The following RNF207 variants were observed in gnomAD, a reference collection of about 807,000 sequenced individuals.
RNF207 encodes the protein ring finger protein 207.
RNF207 carries 72 observed loss-of-function variants against 79.0 expected under a neutral mutation model. The observed-to-expected ratio is 0.91, with a 90% CI of 0.75 to 1.11. RNF207 has a LOEUF of 1.11. Ranked by LOEUF, RNF207 falls within the 50% of genes least tolerant of loss-of-function variation. The probability of loss-of-function intolerance (pLI) is 0.00; values close to 1 mark genes in which losing one functional copy is unlikely to be tolerated. For missense variants in RNF207, 936 were observed against 855.8 expected (o/e 1.09, Z -1.17); for synonymous variants, 348 against 366.2 (o/e 0.95, Z 0.57).
Position 6,211,217 on chromosome 1 carries a change from G to A in RNF207, c.1109+99G>A. The A allele has an allele frequency of 1.3e-6, 1 of 790,958 alleles. No homozygotes were observed. The highest frequency in any genetic ancestry group is 2.0e-6 in the Non-Finnish European group (1 of 496,018). The allele number at this position is 790,958 out of a possible 1,614,324, so 49.0% of individuals were successfully genotyped here. A position where few individuals can be genotyped will look rare whatever the true frequency, so the allele number is the denominator to read the frequency against. On this transcript the variant is annotated intron_variant, in intron 12 of 17. Coordinates refer to ENST00000377939, the MANE Select transcript of RNF207 (RefSeq NM_207396.3). This position sits in a 1 kb window ranked among gnomAD's most constrained non-coding sequence, Gnocchi z 4.2. The stretch of plus-strand genomic sequence containing the variant: ...CCAGATCGCCAGCAAGAAGCCAGGT[G>A]CCACCATTCCTTCCTCCGTCCTTAG...
intron 3 of RNF207, chr1:6,208,066 G>A (rs1357627422): frequency 1.2e-5 from 3 of 256,600 alleles, no homozygotes; most frequent in South Asian, 4.7e-5. Flanking sequence ...ATTAGCAGGA[G>A]GTAGGGACTG....
Position 6,217,208 on chromosome 1 carries a change from C to G in RNF207, c.1653-1081C>G, listed in dbSNP as rs1269217084. ...CCTTCTCTTTGCTGACAGCCCCGCG[C>G]TCCCATGCTCCTGCCAGCCTCTCCA... On this transcript the variant is annotated intron_variant, in intron 16 of 17. Transcript: ENST00000377939. This position sits in a 1 kb window ranked among gnomAD's most constrained non-coding sequence, Gnocchi z 4.2. 6.6e-6 allele frequency among the ~76,000 whole-genome samples: 1 copy of G among 152,172 alleles called. No individual in the cohort carries two copies. Among genetic ancestry groups the G allele is most frequent in the Non-Finnish European group, 1.5e-5 (1 of 68,020 alleles).
Position 6,212,288 on chromosome 1 carries a change from C to A in RNF207, c.1354C>A (p.Leu452Ile). The A allele has an allele frequency of 6.2e-7, 1 of 1,612,868 alleles. No homozygotes were observed. Among genetic ancestry groups the A allele is most frequent in the Middle Eastern group, 1.7e-4 (1 of 6,060 alleles). The change falls in exon 14 of 18, where the codon CTC (leucine) becomes ATC (isoleucine). Residue 452 changes from leucine to isoleucine, a missense_variant. Leu to Ile is a conservative substitution (Grantham distance 5). Coordinates refer to ENST00000377939, the MANE Select transcript of RNF207 (RefSeq NM_207396.3). ...KDQVQELHRD[L>I]TKHHSLIKAE... ...CCAGGTACAGGAGCTGCACCGAGACCTCACCAAGCACCACTCGCTCATCAA... is the reference window on the plus strand; with the variant it reads ...CCAGGTACAGGAGCTGCACCGAGACATCACCAAGCACCACTCGCTCATCAA...
In RNF207 at chr1:6,210,912, C is replaced by T. The variant is rs755994672; in HGVS notation, c.985C>T (p.His329Tyr). ...RLQGIVTRPH[H>Y]LRPIQSSKIA... ...GCAGGGCATCGTCACGCGGCCGCAC[C>T]ACCTAAGGCCTATTCAGAGCAGCAA... The change falls in exon 11 of 18, where the codon CAC becomes TAC. Residue 329 changes from histidine (H) to tyrosine (Y), a missense_variant. His to Tyr is a moderately conservative substitution (Grantham distance 83, BLOSUM62 2). Coordinates refer to ENST00000377939, the MANE Select transcript of RNF207 (RefSeq NM_207396.3). 6 of 1,606,544 alleles carry T rather than the reference C, an allele frequency of 3.7e-6. No individual in the cohort carries two copies. Among genetic ancestry groups the T allele is most frequent in the East Asian group, 4.5e-5 (2 of 44,610 alleles).
At position 6,207,652 on chromosome 1, in the gene RNF207, CA is replaced by C; in HGVS notation, c.324+144del. On this transcript the variant is annotated intron_variant, in intron 3 of 17. Coordinates refer to ENST00000377939, the MANE Select transcript of RNF207 (RefSeq NM_207396.3). This position sits in a 1 kb window ranked among gnomAD's most constrained non-coding sequence, Gnocchi z 4.5. ...GCACCTCCCTAGGGCACCTTGGCCCCAAATGTGAACCCCATTATACCGGTGG... is the reference window on the plus strand; with the variant it reads ...GCACCTCCCTAGGGCACCTTGGCCCCAATGTGAACCCCATTATACCGGTGG... 1 of 935,738 alleles carries C rather than the reference CA, an allele frequency of 1.1e-6. No homozygotes were observed. The highest frequency in any genetic ancestry group is 2.6e-5 in the East Asian group (1 of 38,270). The allele number at this position is 935,738 out of a possible 1,614,324, so 58.0% of individuals were successfully genotyped here. A position where few individuals can be genotyped will look rare whatever the true frequency, so the allele number is the denominator to read the frequency against.
rs1249707906 is a variant in RNF207 at position 6,221,248 on chromosome 1, G to A, written c.*1841G>A. On this transcript the variant is annotated 3_prime_UTR_variant, in exon 18 of 18. Coordinates refer to ENST00000377939, the MANE Select transcript of RNF207 (RefSeq NM_207396.3). ...GAACTGGAAAGAATAATCAGTATCT[G>A]TGAAAGAAAATCCAATTTAGAATAT... is the stretch of plus-strand genomic sequence containing the variant. The A allele has an allele frequency of 6.6e-6, 1 of 152,622 alleles. No individual in the cohort carries two copies. The highest frequency in any genetic ancestry group is 1.5e-5 in the Non-Finnish European group (1 of 68,034). The allele number at this position is 152,622 out of a possible 1,614,324, so 9.5% of individuals were successfully genotyped here. A position where few individuals can be genotyped will look rare whatever the true frequency, so the allele number is the denominator to read the frequency against.
chr1:6,219,385 C>A lies in RNF207; in HGVS notation c.1883C>A (p.Thr628Lys). ...CAGAAAAATGGGGGCGATGTCCCCA[C>A]ATGGAGGGAACACCCGACTTAGCAA... ...SKQKNGGDVPTWREHPT is the reference protein window; with the variant it reads ...SKQKNGGDVPKWREHPT Residue 628 changes from threonine to lysine, a missense_variant, in exon 18 of 18, where the codon ACA becomes AAA. Coordinates refer to ENST00000377939, the MANE Select transcript of RNF207 (RefSeq NM_207396.3). 1 of 1,608,142 alleles carries A rather than the reference C, an allele frequency of 6.2e-7. No homozygotes were observed. The highest frequency in any genetic ancestry group is 8.5e-7 in the Non-Finnish European group (1 of 1,177,548).
rs1483346881 is a variant in RNF207 at position 6,212,517 on chromosome 1, C to T, written c.1482+101C>T. The T allele has an allele frequency of 2.3e-5, 30 of 1,303,236 alleles. No individual in the cohort carries two copies. The East Asian group carries it at 4.5e-4, about 19-fold the overall frequency. The allele number at this position is 1,303,236 out of a possible 1,614,324, so 80.7% of individuals were successfully genotyped here. A position where few individuals can be genotyped will look rare whatever the true frequency, so the allele number is the denominator to read the frequency against. On this transcript the variant is annotated intron_variant, in intron 14 of 17. Coordinates refer to ENST00000377939, the MANE Select transcript of RNF207 (RefSeq NM_207396.3). ...GAAAGAGGACCTGGCCTGTACCCCA[C>T]GGGACCCTCATGTGGCAGGGTCTGG...
At chr1:6,210,975 C>A in intron 11 of RNF207, 37 bp downstream of exon 11, 2 of 1,598,920 alleles carry the variant, frequency 1.3e-6, no homozygotes, top group Non-Finnish European at 1.7e-6. Flanking sequence ...GTCGGGGGCC[C>A]TGCAGGGCAG....
chr1:6,208,914 G>C lies in RNF207; in HGVS notation c.358G>C (p.Gly120Arg). The stretch of plus-strand genomic sequence containing the variant: ...GACCACGTACTTCTGCAACACGTGC[G>C]GACAGCCCCTATGCGCGCGCTGCCG... ...VETTYFCNTCGQPLCARCRDE... is the reference protein window; with the variant it reads ...VETTYFCNTCRQPLCARCRDE... Residue 120 changes from glycine to arginine, a missense_variant, in exon 4 of 18, where the codon GGA becomes CGA. Physicochemically the swap from Gly to Arg is moderately radical, Grantham distance 125 (BLOSUM62 -2). Transcript: ENST00000377939. The C allele has an allele frequency of 1.3e-6, 2 of 1,533,910 alleles. No individual in the cohort carries two copies.
chr1:6,210,789 CG>C, intron 10 of RNF207, 80 bp from the exon 11 acceptor site: 2 of 1,259,720 alleles, frequency 1.6e-6, no homozygotes. Context: ...CAAAGACAGA[CG>C]TGCTCCGCCT....
At chr1:6,214,630 C>CTTTTTTTTCTTTTTTT (rs1668298601) in intron 16 of RNF207, among the ~76,000 whole-genome samples, 1 of 70,660 alleles carries the variant, frequency 1.4e-5, no homozygotes, top group South Asian at 4.7e-4. Context: ...ATATTTCTTT[C>CTTTTTTTTCTTTTTTT]TTTTTTTTTT....
chr1:6,213,251 T>A, intron 16 of RNF207, 68 bp downstream of exon 16: 1 of 1,043,096 alleles, frequency 9.6e-7, no homozygotes, highest in Non-Finnish European at 1.5e-6. Context: ...CTGGGTGCGG[T>A]GGCTCACGCC....
Position 6,211,914 on chromosome 1 carries a change from C to T in RNF207, c.1157C>T (p.Pro386Leu). ...AAGGCGCTGACGGGGCCCCACTGCC[C>T]CTCCCCAGTAGGAAAGATGTCGGGG... ...GPKALTGPHC[P>L]SPVGKMSGSP... is the part of the protein sequence containing the mutation. The change falls in exon 13 of 18, where the codon CCC becomes CTC. Residue 386 changes from proline to leucine, a missense_variant. Physicochemically the swap from Pro to Leu is moderately conservative, Grantham distance 98. Coordinates refer to ENST00000377939, the MANE Select transcript of RNF207 (RefSeq NM_207396.3). This position sits in a 1 kb window ranked among gnomAD's most constrained non-coding sequence, Gnocchi z 4.2. 1 of 1,550,814 alleles carries T rather than the reference C, an allele frequency of 6.4e-7. No individual in the cohort carries two copies. Among genetic ancestry groups the T allele is most frequent in the Non-Finnish European group, 8.7e-7 (1 of 1,147,314 alleles).
Position 6,211,812 on chromosome 1 carries a change from T to C in RNF207, c.1110-55T>C. Reference sequence around the variant, plus strand: ...AGTCCAGGGGGCTGCCCTGGGAGGCTGGGGGAGGGGCAGACTTCCCCACCC... The same window carrying C: ...AGTCCAGGGGGCTGCCCTGGGAGGCCGGGGGAGGGGCAGACTTCCCCACCC... On this transcript the variant is annotated intron_variant, in intron 12 of 17. Transcript: ENST00000377939. The surrounding 1 kb of genome is among the most constrained non-coding windows in gnomAD (Gnocchi z 4.2). 4.4e-6 allele frequency: 6 copies of C among 1,350,006 alleles called. No homozygotes were observed. The highest frequency in any genetic ancestry group is 2.0e-6 in the Non-Finnish European group (2 of 976,132). 83.6% of individuals were successfully genotyped at this position (1,350,006 alleles called of 1,614,324 possible). A position where few individuals can be genotyped will look rare whatever the true frequency, so the allele number is the denominator to read the frequency against.
chr1:6,209,592 G>C (rs982069848), intron 7 of RNF207, 53 bp downstream of exon 7: 84 of 1,420,382 alleles, frequency 5.9e-5, no homozygotes, highest in Non-Finnish European at 7.5e-5. Context: ...TGGTGACACA[G>C]GGCTGGTCCC....
rs758122509 is a variant in RNF207 at position 6,219,252 on chromosome 1, G to A, written c.1750G>A (p.Val584Ile). 2 of 1,611,042 alleles carry A rather than the reference G, an allele frequency of 1.2e-6. No homozygotes were observed. The highest frequency in any genetic ancestry group is 1.3e-5 in the African/African-American group (1 of 74,772). ...AASARNNPGS[V>I]PEKREKTSEP... ...TCCCTTTAGGAATAATCCAGGAAGT[G>A]TCCCGGAAAAGAGAGAGAAGACATC... Residue 584 changes from valine (V) to isoleucine (I), a missense_variant, in exon 18 of 18, where the codon GTC (valine) becomes ATC (isoleucine). Physicochemically the swap from Val to Ile is conservative, Grantham distance 29. Coordinates refer to ENST00000377939, the MANE Select transcript of RNF207 (RefSeq NM_207396.3).
intron 8 of RNF207, 31 bp from the exon 9 acceptor site, chr1:6,210,192 C>T: frequency 6.3e-7 from 1 of 1,584,472 alleles, no homozygotes; most frequent in East Asian, 2.2e-5. Context: ...GCTCCTGGCC[C>T]CCTGGAAACC....
chr1:6,209,675 A>C, intron 7 of RNF207, 136 bp downstream of exon 7: 1 of 1,181,960 alleles, frequency 8.5e-7, no homozygotes, highest in Non-Finnish European at 1.1e-6. Flanking sequence ...TTGCTAGGAG[A>C]GCTGGGAGGG....
Sources: allele counts gnomAD v4.1 joint callset (sites outside exome capture counted in the v4.1 genomes callset), GRCh38; gene constraint gnomAD v4.1.1; non-coding constraint Gnocchi (gnomAD v3.1); transcripts MANE v1.5; gene names NCBI Gene and HGNC (gene_info 2026-07-23, HGNC 2026-07-21).